The following FBLN5 variants were observed in gnomAD, a reference collection of about 807,000 sequenced individuals.
The protein encoded by FBLN5 is fibulin-5.
FBLN5 carries 24 observed loss-of-function variants against 61.6 expected under a neutral mutation model. That is an observed-to-expected ratio of 0.39 (90% CI 0.28 to 0.55). The LOEUF (loss-of-function observed/expected upper bound fraction) is 0.55. Among genes scored for constraint, FBLN5 ranks in the 20% least tolerant of loss-of-function variants. The probability of loss-of-function intolerance (pLI) is 0.65; values close to 1 mark genes in which losing one functional copy is unlikely to be tolerated. For missense variants in FBLN5, 470 were observed against 594.1 expected (o/e 0.79, Z 2.17); for synonymous variants, 213 against 219.8 (o/e 0.97, Z 0.27).
intron 5 of FBLN5, among the ~76,000 whole-genome samples, chr14:91,894,402 C>CAAAAAAAA (rs58035118): frequency 7.0e-4 from 24 of 34,312 alleles, no homozygotes; most frequent in East Asian, 3.9e-3. Flanking sequence ...GACACCATAT[C>CAAAAAAAA]AAAAAAAAAA....
chr14:91,882,982 G>A lies in FBLN5; in HGVS notation c.834C>T (p.Ile278=). The A allele has an allele frequency of 6.2e-7, 1 of 1,614,108 alleles. No homozygotes were observed. The change falls in exon 8 of 11, where the codon ATC becomes ATT. Residue 278 remains isoleucine (I), a synonymous_variant. Coordinates refer to ENST00000342058, the MANE Select transcript of FBLN5 (RefSeq NM_006329.4). The surrounding 1 kb of genome is among the most constrained non-coding windows in gnomAD (Gnocchi z 4.9). ...TYFCSCPPGY[I]LLDDNRSCQD... ...GGCAGCTTCGGTTGTCATCCAGCAG[G>A]ATGTAGCCTGGAGGGCAGGAGCAGA...
chr14:91,873,676 C>T (rs1415128131), intron 10 of FBLN5: 8 of 152,300 alleles, frequency 5.3e-5, no homozygotes, highest in Admixed American at 3.9e-4. Context: ...TGAATGCACG[C>T]TGGTAACGGA....
At position 91,937,009 on chromosome 14, in the gene FBLN5, G is replaced by A. The variant is rs1217653337; in HGVS notation, c.317C>T (p.Thr106Met). 8.1e-6 allele frequency: 13 copies of A among 1,614,196 alleles called. No individual in the cohort carries two copies. Among genetic ancestry groups the A allele is most frequent in the Middle Eastern group, 3.3e-4 (2 of 6,062 alleles). The change falls in exon 4 of 11, where the codon ACG becomes ATG. Residue 106 changes from threonine to methionine, a missense_variant. Coordinates refer to ENST00000342058, the MANE Select transcript of FBLN5 (RefSeq NM_006329.4). ...GCGGCATATAAGAGGCCTGGAGATC[G>A]TGGGATAGTTTGGAGCTGAGAGTGG... is the stretch of plus-strand genomic sequence containing the variant. ...APPLSAPNYP[T>M]ISRPLICRFG... is the part of the protein sequence containing the mutation.
In FBLN5 at chr14:91,877,657, G is replaced by A. The variant is rs201191163; in HGVS notation, c.1015C>T (p.Pro339Ser). ...DNRCMCPAEN[P>S]GCRDQPFTIL... ...GTAAAGGGCTGGTCTCTGCAGCCAG[G>A]GTTCTCAGCAGGACACATACAGCGG... The change falls in exon 10 of 11, where the codon CCT (proline) becomes TCT (serine). Residue 339 changes from proline (P) to serine (S), a missense_variant. By Grantham distance (74) the Pro-to-Ser change is moderately conservative. Transcript: ENST00000342058. 35 of 1,613,964 alleles carry A rather than the reference G, an allele frequency of 2.2e-5. No homozygotes were observed. Among genetic ancestry groups the A allele is most frequent in the Non-Finnish European group, 1.0e-5 (12 of 1,179,978 alleles).
intron 5 of FBLN5, among the ~76,000 whole-genome samples, chr14:91,893,385 T>C (rs1048904431): frequency 6.6e-6 from 1 of 152,218 alleles, no homozygotes; most frequent in African/African-American, 2.4e-5. Flanking sequence ...CAGACGCCCA[T>C]GTGCAAGCCT....
intron 8 of FBLN5, among the ~76,000 whole-genome samples, chr14:91,881,696 G>C (rs888049858): frequency 1.1e-4 from 16 of 152,142 alleles, no homozygotes; most frequent in African/African-American, 3.6e-4. Context: ...GGGAGGCTGA[G>C]GCAGGAGGAT....
intron 4 of FBLN5, among the ~76,000 whole-genome samples, chr14:91,925,017 A>T (rs2055804366): frequency 6.6e-6 from 1 of 152,158 alleles, no homozygotes. Context: ...CCTCCCATGG[A>T]AACTGTTGAA....
At chr14:91,893,522 G>A (rs2139979979) in intron 5 of FBLN5, among the ~76,000 whole-genome samples, 1 of 152,272 alleles carries the variant, frequency 6.6e-6, no homozygotes, top group African/African-American at 2.4e-5. Context: ...GATTTCGTTT[G>A]GATCTGTTTC....
intron 6 of FBLN5, among the ~76,000 whole-genome samples, chr14:91,888,773 C>A (rs2430353): frequency 0.2 from 29,938 of 152,046 alleles, 3,159 homozygotes; most frequent in Admixed American, 0.25. Flanking sequence ...TCCACAAAAA[C>A]CAAGATTCAT....
rs532122656 is a variant in FBLN5 at position 91,909,305 on chromosome 14, T to C, written c.380-14233A>G. On this transcript the variant is annotated intron_variant, in intron 4 of 10. Coordinates refer to ENST00000342058, the MANE Select transcript of FBLN5 (RefSeq NM_006329.4). ...ACTAGCCTAGCCATAAGACTGTGAG[T>C]GATGCGAGGGCAGGAAACACACTTT... 3.3e-3 allele frequency among the ~76,000 whole-genome samples: 506 copies of C among 152,272 alleles called. 4 individuals carry two copies. The highest frequency in any genetic ancestry group is 5.7e-3 in the Non-Finnish European group (388 of 68,034).
chr14:91,901,824 C>T (rs74071609), intron 4 of FBLN5, among the ~76,000 whole-genome samples: 2,835 of 152,248 alleles, frequency 0.019, 95 homozygotes, highest in African/African-American at 0.064. Context: ...GTTCATTTTG[C>T]GCCTCTGATT....
rs537784595 is a variant in FBLN5, at chr14:91,914,350, C to T, written c.380-19278G>A. On this transcript the variant is annotated intron_variant, in intron 4 of 10. Transcript: ENST00000342058. ...AAATTTAGCCGAGCGTGGTGGCAGG[C>T]GCCTGTAGTCCCAGCTACTCAGGAG... is the stretch of plus-strand genomic sequence containing the variant. Among the ~76,000 whole-genome samples, 1,049 of 151,940 alleles carry T rather than the reference C, an allele frequency of 6.9e-3. 2 individuals carry two copies. The highest frequency in any genetic ancestry group is 8.8e-3 in the Non-Finnish European group (600 of 67,966).
intron 4 of FBLN5, among the ~76,000 whole-genome samples, chr14:91,898,837 T>C (rs1471550192): frequency 1.4e-5 from 2 of 143,410 alleles, no homozygotes; most frequent in Admixed American, 7.1e-5. Flanking sequence ...AATCTCGCTC[T>C]GTCGCCCAGG....
rs2056033353 is a variant in FBLN5 at position 91,937,214 on chromosome 14, G to C, written c.125-13C>G. On this transcript the variant is annotated splice_polypyrimidine_tract_variant and intron_variant, in intron 3 of 10. Coordinates refer to ENST00000342058, the MANE Select transcript of FBLN5 (RefSeq NM_006329.4). ...CATTCATCAATATCTGAAAGGCACA[G>C]AAAGGGCGAGCATTAGTGGCACCCC... is the stretch of plus-strand genomic sequence containing the variant. 3 of 1,613,984 alleles carry C rather than the reference G, an allele frequency of 1.9e-6. No individual in the cohort carries two copies. The highest frequency in any genetic ancestry group is 3.3e-5 in the Admixed American group (2 of 59,980).
At chr14:91,907,548 G>A (rs1890733574) in intron 4 of FBLN5, among the ~76,000 whole-genome samples, 1 of 152,098 alleles carries the variant, frequency 6.6e-6, no homozygotes, top group African/African-American at 2.4e-5. Context: ...AGAGCCGGGG[G>A]GAGCTTCACT....
At chr14:91,881,450 A>G in intron 8 of FBLN5, 32 bp from the exon 9 acceptor site, 1 of 1,613,826 alleles carries the variant, frequency 6.2e-7, no homozygotes, top group South Asian at 1.1e-5. Context: ...AAGCGGAGGC[A>G]GGGCATTATT....
At chr14:91,904,070 C>T (rs1368787193) in intron 4 of FBLN5, among the ~76,000 whole-genome samples, 6 of 152,146 alleles carry the variant, frequency 3.9e-5, no homozygotes, top group Admixed American at 2.6e-4. Flanking sequence ...GGGCAAAGCA[C>T]ATCTAGTTTT....
intron 4 of FBLN5, among the ~76,000 whole-genome samples, chr14:91,904,364 A>C (rs1010576264): frequency 4.6e-5 from 7 of 152,186 alleles, no homozygotes; most frequent in African/African-American, 1.7e-4. Flanking sequence ...AGGATGAAGA[A>C]TATCTAGTGG....
intron 4 of FBLN5, among the ~76,000 whole-genome samples, chr14:91,900,789 T>C (rs1890418345): frequency 6.6e-6 from 1 of 152,056 alleles, no homozygotes; most frequent in South Asian, 2.1e-4. Flanking sequence ...CCTGACTGCC[T>C]GGCACATAGC....
Sources: allele counts gnomAD v4.1 joint callset (sites outside exome capture counted in the v4.1 genomes callset), GRCh38; gene constraint gnomAD v4.1.1; non-coding constraint Gnocchi (gnomAD v3.1); transcripts MANE v1.5; gene names NCBI Gene and HGNC (gene_info 2026-07-23, HGNC 2026-07-21).